Variants in PRIMA1 observed in about 807,000 individuals in gnomAD.
PRIMA1 encodes proline rich membrane anchor 1.
In PRIMA1, 7 loss-of-function variants were observed where a neutral mutation model predicts 17.5. That is an observed-to-expected ratio of 0.40 (90% CI 0.23 to 0.75). PRIMA1 has a LOEUF of 0.75. Among genes scored for constraint, PRIMA1 ranks in the 30% least tolerant of loss-of-function variants. The probability of loss-of-function intolerance (pLI) is 0.37; values close to 1 mark genes in which losing one functional copy is unlikely to be tolerated. For synonymous variants in PRIMA1, 97 were observed against 77.9 expected, an observed-to-expected ratio of 1.25 and a Z score of -1.29; for missense variants, 200 against 201.8, an observed-to-expected ratio of 0.99 and a Z score of 0.05.
chr14:93,747,897 AGTGT>A (rs1292735229), intron 3 of PRIMA1, among the ~76,000 whole-genome samples: 5 of 106,014 alleles, frequency 4.7e-5, no homozygotes, highest in African/African-American at 2.0e-4. Context: ...TGTGTGTATG[AGTGT>A]GTAAGAGTGG....
chr14:93,770,144 CG>C (rs2141186512), intron 3 of PRIMA1, among the ~76,000 whole-genome samples: 1 of 152,312 alleles, frequency 6.6e-6, no homozygotes, highest in East Asian at 1.9e-4. Flanking sequence ...GCCTCCACCC[CG>C]GGTCCAGCCC....
chr14:93,747,710 G>A (rs886632906), intron 3 of PRIMA1, among the ~76,000 whole-genome samples: 1 of 151,650 alleles, frequency 6.6e-6, no homozygotes, highest in African/African-American at 2.4e-5. Flanking sequence ...GAGTGTGTGA[G>A]TGTATGAGTG....
intron 3 of PRIMA1, among the ~76,000 whole-genome samples, chr14:93,759,352 C>T (rs905468967): frequency 3.9e-5 from 6 of 152,112 alleles, no homozygotes; most frequent in African/African-American, 7.2e-5. Context: ...CCTAGACACC[C>T]CCATTTCCAA....
In PRIMA1 at chr14:93,782,393, C is replaced by T. The variant is rs183596529; in HGVS notation, c.94-3082G>A. Among the ~76,000 whole-genome samples, 1,233 of 152,216 alleles carry T rather than the reference C, an allele frequency of 8.1e-3. 14 individuals carry two copies. Among genetic ancestry groups the T allele is most frequent in the African/African-American group, 0.028 (1,152 of 41,518 alleles). ...CAACACTTTGGGAGACTGAGGCGGG[C>T]GGATCATTTGAGCCCAGGGGTTCAA... On this transcript the variant is annotated intron_variant, in intron 2 of 4. Transcript: ENST00000393140.
chr14:93,741,546 A>G (rs1213839702), intron 3 of PRIMA1, among the ~76,000 whole-genome samples: 1 of 152,246 alleles, frequency 6.6e-6, no homozygotes, highest in Non-Finnish European at 1.5e-5. Flanking sequence ...GGGATCTGGG[A>G]GTACAAAGAT....
chr14:93,764,249 G>A (rs982369364), intron 3 of PRIMA1, among the ~76,000 whole-genome samples: 15 of 151,772 alleles, frequency 9.9e-5, no homozygotes, highest in African/African-American at 3.4e-4. Flanking sequence ...CAACCTGCAG[G>A]TCCCTCTGTG....
At chr14:93,767,995 G>A (rs1884944360) in intron 3 of PRIMA1, among the ~76,000 whole-genome samples, 2 of 152,122 alleles carry the variant, frequency 1.3e-5, no homozygotes, top group East Asian at 1.9e-4. Flanking sequence ...GGTGGTGATG[G>A]TTGCAAACAT....
intron 2 of PRIMA1, among the ~76,000 whole-genome samples, chr14:93,780,075 C>T (rs938536432): frequency 2.0e-5 from 3 of 152,258 alleles, no homozygotes; most frequent in Non-Finnish European, 4.4e-5. Context: ...CATGCTCTCT[C>T]CCCATCTCTC....
At chr14:93,727,831 T>C (rs915058126) in intron 4 of PRIMA1, among the ~76,000 whole-genome samples, 6 of 151,302 alleles carry the variant, frequency 4.0e-5, no homozygotes, top group African/African-American at 9.8e-5. Flanking sequence ...AAGGCCTTCA[T>C]TGGTAATGGG....
At chr14:93,758,092 T>C (rs1182254430) in intron 3 of PRIMA1, among the ~76,000 whole-genome samples, 1 of 152,312 alleles carries the variant, frequency 6.6e-6, no homozygotes, top group East Asian at 1.9e-4. Context: ...ATTCCTTCAC[T>C]TTCCTGTCCT....
chr14:93,739,894 C>T (rs1374334882), intron 3 of PRIMA1, among the ~76,000 whole-genome samples: 5 of 152,098 alleles, frequency 3.3e-5, no homozygotes, highest in African/African-American at 7.2e-5. Flanking sequence ...AGTGAAACCC[C>T]GTCTCTACTA....
chr14:93,748,903 G>A lies in PRIMA1; in HGVS notation c.230-11533C>T, dbSNP rs534792378. On this transcript the variant is annotated intron_variant, in intron 3 of 4. Coordinates refer to ENST00000393140, the MANE Select transcript of PRIMA1 (RefSeq NM_178013.4). ...ATCGGGCTTATGTCTCTTGGTGGGG[G>A]CAGCCTCAGCTTTTCCCGGTGCAAG... Among the ~76,000 whole-genome samples the A allele has an allele frequency of 9.2e-4, 140 of 152,232 alleles. 2 individuals are homozygous for A. Among genetic ancestry groups the A allele is most frequent in the African/African-American group, 3.3e-3 (138 of 41,524 alleles).
At position 93,720,300 on chromosome 14, in the gene PRIMA1, T is replaced by C. The variant is rs979639568; in HGVS notation, c.*1144A>G. The stretch of plus-strand genomic sequence containing the variant: ...GGGTCACCAGCCTGGAGGACCCCTC[T>C]CCTCCTGTCCCATTTCATCCCTTGA... On this transcript the variant is annotated 3_prime_UTR_variant, in exon 5 of 5. Transcript: ENST00000393140. 6.6e-6 allele frequency: 1 copy of C among 152,244 alleles called. No individual in the cohort carries two copies. The highest frequency in any genetic ancestry group is 2.4e-5 in the African/African-American group (1 of 41,438). 9.4% of individuals were successfully genotyped at this position (152,244 alleles called of 1,614,324 possible).
rs1231419251 is a variant in PRIMA1 at position 93,721,187 on chromosome 14, G to A, written c.*257C>T. ...CGACAGACCAGACACCAGACAGGGAGGAGGATGTGGAGGGCCTGGGGTGGG... is the reference window on the plus strand; with the variant it reads ...CGACAGACCAGACACCAGACAGGGAAGAGGATGTGGAGGGCCTGGGGTGGG... On this transcript the variant is annotated 3_prime_UTR_variant, in exon 5 of 5. Transcript: ENST00000393140. 4.2e-6 allele frequency: 2 copies of A among 478,974 alleles called. No homozygotes were observed. The highest frequency in any genetic ancestry group is 7.4e-6 in the Non-Finnish European group (2 of 269,314). 29.7% of individuals were successfully genotyped at this position (478,974 alleles called of 1,614,324 possible).
chr14:93,729,665 A>G (rs2076101041), intron 4 of PRIMA1, among the ~76,000 whole-genome samples: 2 of 152,194 alleles, frequency 1.3e-5, no homozygotes. Context: ...AGGCCAGAGC[A>G]GGCAACGAGG....
chr14:93,725,683 C>A (rs1259042051), intron 4 of PRIMA1, among the ~76,000 whole-genome samples: 1 of 152,134 alleles, frequency 6.6e-6, no homozygotes, highest in Non-Finnish European at 1.5e-5. Flanking sequence ...ACACGTTAGT[C>A]CATGTCAAGC....
At chr14:93,766,149 A>G (rs912595426) in intron 3 of PRIMA1, among the ~76,000 whole-genome samples, 5 of 152,198 alleles carry the variant, frequency 3.3e-5, no homozygotes, top group Non-Finnish European at 7.3e-5. Context: ...GAAGATGCTC[A>G]TCTACTCTTG....
chr14:93,736,730 A>G (rs2076152531), intron 4 of PRIMA1, among the ~76,000 whole-genome samples: 1 of 152,274 alleles, frequency 6.6e-6, no homozygotes, highest in Admixed American at 6.5e-5. Flanking sequence ...GAAATCACAT[A>G]GAACAACCAA....
chr14:93,733,643 C>G (rs1033236118), intron 4 of PRIMA1, among the ~76,000 whole-genome samples: 2 of 151,922 alleles, frequency 1.3e-5, no homozygotes, highest in Non-Finnish European at 2.9e-5. Context: ...TTGGAAATTC[C>G]TAGGACTCGA....
Sources: gnomAD v4.1 joint callset for allele counts (sites outside exome capture counted in the v4.1 genomes callset) on GRCh38, gnomAD v4.1.1 for gene constraint, MANE v1.5 for transcripts, NCBI Gene and HGNC (gene_info 2026-07-23, HGNC 2026-07-21) for gene names.